The following CSMD1 variants were observed in gnomAD, a reference collection of about 807,000 sequenced individuals.
The protein encoded by CSMD1 is CUB and Sushi multiple domains 1.
In CSMD1, 213 loss-of-function variants were observed where a neutral mutation model predicts 417.5. That is an observed-to-expected ratio of 0.51 (90% CI 0.46 to 0.57). CSMD1 has a LOEUF of 0.57. CSMD1 is among the 20% of genes least tolerant of loss of function. The pLI, the probability that CSMD1 is intolerant of heterozygous loss-of-function variation, is 0.00. For synonymous variants in CSMD1, 2,862 were observed against 1,736.8 expected (o/e 1.65, Z -16.11); for missense variants, 6,923 against 4,529.7 (o/e 1.53, Z -15.17).
chr8:4,710,463 A>ATT (rs1209163518), intron 1 of CSMD1, among the ~76,000 whole-genome samples: 4 of 119,640 alleles, frequency 3.3e-5, no homozygotes, highest in East Asian at 2.4e-4. Flanking sequence ...ATAATGGAAT[A>ATT]TTATATATAT....
chr8:3,474,647 C>G (rs1817304249), intron 11 of CSMD1, among the ~76,000 whole-genome samples: 1 of 152,084 alleles, frequency 6.6e-6, no homozygotes, highest in South Asian at 2.1e-4. Flanking sequence ...TTGTTTATAT[C>G]AATTAGCCTA....
chr8:4,945,731 G>A (rs141975859), intron 1 of CSMD1, among the ~76,000 whole-genome samples: 8 of 152,028 alleles, frequency 5.3e-5, no homozygotes, highest in Admixed American at 4.6e-4. Flanking sequence ...CTTTTGGAGG[G>A]TACAAGGAGG....
At chr8:4,518,726 T>A (rs1214784048) in intron 2 of CSMD1, among the ~76,000 whole-genome samples, 1 of 151,942 alleles carries the variant, frequency 6.6e-6, no homozygotes, top group Non-Finnish European at 1.5e-5. Flanking sequence ...GTAACTAACC[T>A]GCACGTTGTG....
intron 18 of CSMD1, among the ~76,000 whole-genome samples, chr8:3,377,242 G>A (rs1045562728): frequency 2.6e-5 from 4 of 152,178 alleles, no homozygotes; most frequent in African/African-American, 9.6e-5. Flanking sequence ...GAACTCCTGG[G>A]CCTCAGCAAT....
chr8:4,464,853 C>G (rs1487896071), intron 2 of CSMD1, among the ~76,000 whole-genome samples: 2 of 152,118 alleles, frequency 1.3e-5, no homozygotes, highest in Non-Finnish European at 2.9e-5. Context: ...CCAATTTACC[C>G]TGCTGTGTTA....
At chr8:4,806,938 A>G (rs1798623720) in intron 1 of CSMD1, among the ~76,000 whole-genome samples, 1 of 152,226 alleles carries the variant, frequency 6.6e-6, no homozygotes, top group South Asian at 2.1e-4. Flanking sequence ...CTCTTAAGCT[A>G]TTATTTATGT....
At chr8:3,961,442 T>C (rs1179730001) in intron 5 of CSMD1, among the ~76,000 whole-genome samples, 2 of 152,190 alleles carry the variant, frequency 1.3e-5, no homozygotes, top group African/African-American at 2.4e-5. Flanking sequence ...CAGGTGATCT[T>C]TGACACAGAT....
intron 4 of CSMD1, among the ~76,000 whole-genome samples, chr8:4,031,400 G>A (rs1003826181): frequency 2.0e-5 from 3 of 152,186 alleles, no homozygotes; most frequent in Admixed American, 2.0e-4. Flanking sequence ...GAGAGCTTGT[G>A]CAGGGGAACT....
chr8:3,821,755 C>T (rs2129082973), intron 5 of CSMD1, among the ~76,000 whole-genome samples: 1 of 152,254 alleles, frequency 6.6e-6, no homozygotes, highest in East Asian at 1.9e-4. Flanking sequence ...GCACTCCAGC[C>T]TGGGTGACAG....
At chr8:2,965,749 A>G in intron 59 of CSMD1, 26 bp downstream of exon 59, 2 of 1,576,092 alleles carry the variant, frequency 1.3e-6, no homozygotes, top group Non-Finnish European at 1.7e-6. Context: ...ACACATCTGT[A>G]AAATCCAAAG....
chr8:4,049,767 G>C (rs991940584), intron 3 of CSMD1, among the ~76,000 whole-genome samples: 1 of 152,026 alleles, frequency 6.6e-6, no homozygotes. Context: ...TCCATAAATG[G>C]CCACAGCCCG....
chr8:4,616,327 T>G (rs1490610070), intron 2 of CSMD1, among the ~76,000 whole-genome samples: 1 of 152,202 alleles, frequency 6.6e-6, no homozygotes, highest in African/African-American at 2.4e-5. Flanking sequence ...ATAGGGAAGA[T>G]GCCACCTACC....
At chr8:4,664,455 G>A (rs186099483) in intron 1 of CSMD1, among the ~76,000 whole-genome samples, 1 of 152,240 alleles carries the variant, frequency 6.6e-6, no homozygotes, top group East Asian at 1.9e-4. Flanking sequence ...AGCTACTCCA[G>A]AGGCTAAGGT....
intron 1 of CSMD1, among the ~76,000 whole-genome samples, chr8:4,934,513 C>T (rs1221800011): frequency 3.3e-5 from 5 of 152,022 alleles, no homozygotes; most frequent in Admixed American, 1.3e-4. Context: ...AGAGAGCTTC[C>T]GGGGCTTTGA....
intron 3 of CSMD1, among the ~76,000 whole-genome samples, chr8:4,075,682 G>A (rs1227299964): frequency 2.6e-5 from 4 of 152,148 alleles, no homozygotes; most frequent in African/African-American, 9.7e-5. Context: ...TTGGAGCACT[G>A]GATTCATTTT....
At chr8:4,412,482 C>T (rs976039836) in intron 3 of CSMD1, among the ~76,000 whole-genome samples, 3 of 152,180 alleles carry the variant, frequency 2.0e-5, no homozygotes, top group Non-Finnish European at 4.4e-5. Flanking sequence ...TACCACGGTT[C>T]CTGTCCAGCC....
intron 12 of CSMD1, among the ~76,000 whole-genome samples, chr8:3,438,277 G>A (rs941559189): frequency 5.9e-5 from 9 of 152,220 alleles, no homozygotes; most frequent in South Asian, 4.2e-4. Flanking sequence ...TGTAACCTTC[G>A]TGCAGCTTTC....
intron 1 of CSMD1, among the ~76,000 whole-genome samples, chr8:4,748,318 T>C (rs1315894816): frequency 6.6e-6 from 1 of 152,250 alleles, no homozygotes; most frequent in Non-Finnish European, 1.5e-5. Flanking sequence ...GAGTGCACCA[T>C]CTGAGTTGGA....
intron 6 of CSMD1, among the ~76,000 whole-genome samples, chr8:3,710,357 G>C (rs574907141): frequency 5.9e-5 from 9 of 152,230 alleles, no homozygotes; most frequent in African/African-American, 2.2e-4. Flanking sequence ...TTTCTCTGGA[G>C]AACTCTGACG....
Sources: gnomAD v4.1 joint callset for allele counts (sites outside exome capture counted in the v4.1 genomes callset) on GRCh38, gnomAD v4.1.1 for gene constraint, MANE v1.5 for transcripts, NCBI Gene and HGNC (gene_info 2026-07-23, HGNC 2026-07-21) for gene names.